Variants in CLMN observed in about 807,000 individuals in gnomAD.
The protein encoded by CLMN is calmin (calponin-like, transmembrane).
A neutral mutation model predicts 92.7 loss-of-function variants in CLMN; 57 were observed. The observed-to-expected ratio is 0.61, with a 90% CI of 0.50 to 0.77. CLMN has a LOEUF of 0.77. Among genes scored for constraint, CLMN ranks in the 30% least tolerant of loss-of-function variants. CLMN has a pLI of 0.00. For synonymous variants in CLMN, 466 were observed against 470.6 expected (o/e 0.99, Z 0.13); for missense variants, 1,158 against 1,237.5 (o/e 0.94, Z 0.96).
chr14:95,210,580 T>C, intron 7 of CLMN, 106 bp downstream of exon 7: 1 of 1,171,900 alleles, frequency 8.5e-7, no homozygotes, highest in Non-Finnish European at 1.2e-6. Flanking sequence ...GGAGAAAAAA[T>C]CTTCTTCATT....
In CLMN at chr14:95,196,499, T is replaced by G. The variant is rs1411613007; in HGVS notation, c.2707A>C (p.Arg903=). The change falls in exon 10 of 13, where the codon AGG becomes CGG. Residue 903 remains arginine, a splice_region_variant and synonymous_variant. Transcript: ENST00000298912. ...GGTGAAAAGAGATGAATAAAATACC[T>G]GGAAGGAATGCTGTAGTCGCTACTG... ...EDSSDYSIPS[R]TSHSDSSIYL... 1 of 1,606,590 alleles carries G rather than the reference T, an allele frequency of 6.2e-7. No individual in the cohort carries two copies. The highest frequency in any genetic ancestry group is 8.5e-7 in the Non-Finnish European group (1 of 1,177,868).
Position 95,194,245 on chromosome 14 carries a change from C to G in CLMN, c.2769+291G>C, listed in dbSNP as rs2282272. On this transcript the variant is annotated intron_variant, in intron 11 of 12. Coordinates refer to ENST00000298912, the MANE Select transcript of CLMN (RefSeq NM_024734.4). This position sits in a 1 kb window ranked among gnomAD's most constrained non-coding sequence, Gnocchi z 4.0. ...CTCATGTTGCACCTCTGTCTCTGAA[C>G]GTGATCCTTCTGGGTGCGCGCGGGG... 0.094 allele frequency: 130,617 copies of G among 1,389,808 alleles called. 8,108 individuals are homozygous for G. Among genetic ancestry groups the G allele is most frequent in the East Asian group, 0.37 (13,525 of 36,646 alleles). 86.1% of individuals were successfully genotyped at this position (1,389,808 alleles called of 1,614,324 possible). A position where few individuals can be genotyped will look rare whatever the true frequency, so the allele number is the denominator to read the frequency against.
chr14:95,304,382 G>C (rs1329764607), intron 1 of CLMN, among the ~76,000 whole-genome samples: 1 of 151,914 alleles, frequency 6.6e-6, no homozygotes, highest in East Asian at 1.9e-4. Context: ...CTCAGTGACA[G>C]CAAGGAAGGA....
chr14:95,302,218 T>G (rs1221858801), intron 1 of CLMN, among the ~76,000 whole-genome samples: 1 of 152,110 alleles, frequency 6.6e-6, no homozygotes, highest in Non-Finnish European at 1.5e-5. Flanking sequence ...GAGAATCGCT[T>G]GAACCCGGGA....
At chr14:95,268,929 G>A (rs191665766) in intron 1 of CLMN, among the ~76,000 whole-genome samples, 2,305 of 148,058 alleles carry the variant, frequency 0.016, 25 homozygotes, top group Non-Finnish European at 0.024. Flanking sequence ...TCAGCCTCCC[G>A]AGTAGCTGGG....
intron 9 of CLMN, among the ~76,000 whole-genome samples, chr14:95,198,153 G>A (rs1397983746): frequency 1.4e-5 from 2 of 142,272 alleles, no homozygotes; most frequent in Non-Finnish European, 3.0e-5. Context: ...AGGTTTAAGT[G>A]ATTTTTCTGC....
intron 10 of CLMN, among the ~76,000 whole-genome samples, chr14:95,195,602 A>G (rs991136726): frequency 6.6e-6 from 1 of 152,238 alleles, no homozygotes; most frequent in African/African-American, 2.4e-5. Context: ...GGGCACAAAA[A>G]GAATGTGGAA....
Position 95,189,438 on chromosome 14 carries a change from A to AAGC in CLMN, c.*2123_*2125dup, listed in dbSNP as rs1896512128. ...TTTCTATATCCAGCTTCTTCCATAG[A>AAGC]AGCCTATACTCAAATGAGATTTTTT... On this transcript the variant is annotated 3_prime_UTR_variant, in exon 13 of 13. Transcript: ENST00000298912. 1 of 152,222 alleles carries AAGC rather than the reference A, an allele frequency of 6.6e-6. No homozygotes were observed. The highest frequency in any genetic ancestry group is 2.1e-4 in the South Asian group (1 of 4,830). The allele number at this position is 152,222 out of a possible 1,614,324, so 9.4% of individuals were successfully genotyped here. A position where few individuals can be genotyped will look rare whatever the true frequency, so the allele number is the denominator to read the frequency against.
At chr14:95,281,029 G>C (rs1900126186) in intron 1 of CLMN, among the ~76,000 whole-genome samples, 1 of 152,170 alleles carries the variant, frequency 6.6e-6, no homozygotes, top group Non-Finnish European at 1.5e-5. Context: ...TTTAAATGCA[G>C]AGAGGAAAAA....
chr14:95,194,262 C>A lies in CLMN; in HGVS notation c.2769+274G>T. ...TCTCTGAACGTGATCCTTCTGGGTG[C>A]GCGCGGGGTCCAGGTGAGGCGTTTT... On this transcript the variant is annotated intron_variant, in intron 11 of 12. Transcript: ENST00000298912. The surrounding 1 kb of genome is among the most constrained non-coding windows in gnomAD (Gnocchi z 4.0). 2 of 1,131,954 alleles carry A rather than the reference C, an allele frequency of 1.8e-6. No homozygotes were observed. Among genetic ancestry groups the A allele is most frequent in the Non-Finnish European group, 2.2e-6 (2 of 911,152 alleles). The allele number at this position is 1,131,954 out of a possible 1,614,324, so 70.1% of individuals were successfully genotyped here.
intron 1 of CLMN, among the ~76,000 whole-genome samples, chr14:95,230,908 G>A (rs2140635404): frequency 6.6e-6 from 1 of 152,354 alleles, no homozygotes. Flanking sequence ...ACATAAACCA[G>A]GAATGGACCC....
intron 1 of CLMN, among the ~76,000 whole-genome samples, chr14:95,312,409 TG>T (rs1901580149): frequency 6.6e-6 from 1 of 152,308 alleles, no homozygotes; most frequent in Admixed American, 6.5e-5. Flanking sequence ...AGAAGAAGGC[TG>T]GGCTGCCACA....
intron 12 of CLMN, chr14:95,193,296 A>C: frequency 6.7e-7 from 1 of 1,482,756 alleles, no homozygotes; most frequent in Non-Finnish European, 9.1e-7. Context: ...CCAGGCCAAC[A>C]GTTCTCCGAC....
rs1012682178 is a variant in CLMN at position 95,185,892 on chromosome 14, C to G, written c.*5672G>C. ...TACAACTGCCTTCCAATGGCATGAC[C>G]ACGGAAGGAGAACAGCTCCTCACCA... On this transcript the variant is annotated 3_prime_UTR_variant, in exon 13 of 13. Transcript: ENST00000298912. 3.3e-5 allele frequency: 5 copies of G among 152,154 alleles called. No individual in the cohort carries two copies. Among genetic ancestry groups the G allele is most frequent in the Admixed American group, 1.3e-4 (2 of 15,278 alleles). 9.4% of individuals were successfully genotyped at this position (152,154 alleles called of 1,614,324 possible).
At chr14:95,312,410 G>A (rs1014826773) in intron 1 of CLMN, among the ~76,000 whole-genome samples, 2 of 152,172 alleles carry the variant, frequency 1.3e-5, no homozygotes, top group Non-Finnish European at 2.9e-5. Context: ...GAAGAAGGCT[G>A]GGCTGCCACA....
Position 95,231,964 on chromosome 14 carries a change from G to A in CLMN, c.83-1831C>T, listed in dbSNP as rs528669529. On this transcript the variant is annotated intron_variant, in intron 1 of 12. Coordinates refer to ENST00000298912, the MANE Select transcript of CLMN (RefSeq NM_024734.4). ...TATGACCTTCAGATGGGACAATCGC[G>A]CCCAGGGAGATGTTGTAACTTGTCC... Among the ~76,000 whole-genome samples the A allele has an allele frequency of 2.0e-3, 301 of 152,282 alleles. 3 individuals are homozygous for A. The highest frequency in any genetic ancestry group is 5.9e-3 in the African/African-American group (247 of 41,556).
At chr14:95,245,586 G>A (rs999170112) in intron 1 of CLMN, among the ~76,000 whole-genome samples, 3 of 149,036 alleles carry the variant, frequency 2.0e-5, no homozygotes, top group African/African-American at 7.5e-5. Flanking sequence ...ATGGATGGGT[G>A]GGTGGATGGA....
Position 95,203,776 on chromosome 14 carries a change from G to T in CLMN, c.1573C>A (p.Leu525Ile). 1 of 1,614,166 alleles carries T rather than the reference G, an allele frequency of 6.2e-7. No homozygotes were observed. Residue 525 changes from leucine to isoleucine, a missense_variant, in exon 9 of 13, where the codon CTT (leucine) becomes ATT (isoleucine). Transcript: ENST00000298912. ...ACAGTATTTTCTCCTGGGGGTGAAA[G>T]AGAGTGACTTTCTTCATCGTGGCGG... Reference protein sequence around the residue: ...TARHDEESHSLSPPGENTVMA... With the variant: ...TARHDEESHSISPPGENTVMA...
Position 95,201,566 on chromosome 14 carries a change from CTTT to C in CLMN, c.2511+1269_2511+1271del, listed in dbSNP as rs57205690. On this transcript the variant is annotated intron_variant, in intron 9 of 12. Coordinates refer to ENST00000298912, the MANE Select transcript of CLMN (RefSeq NM_024734.4). ...TTCTTCCTTTATTGGCTTTTTTTTCCTTTTTTTTTTTTTTTATTTTACTTTAAG... is the reference window on the plus strand; with the variant it reads ...TTCTTCCTTTATTGGCTTTTTTTTCCTTTTTTTTTTTTATTTTACTTTAAG... 2.4e-4 allele frequency among the ~76,000 whole-genome samples: 34 copies of C among 139,664 alleles called. 1 individual carries two copies. Among genetic ancestry groups the C allele is most frequent in the Non-Finnish European group, 4.7e-4 (30 of 64,206 alleles). The allele number at this position is 139,664 out of a possible 152,430, so 91.6% of individuals were successfully genotyped here. A position where few individuals can be genotyped will look rare whatever the true frequency, so the allele number is the denominator to read the frequency against.
Sources: gnomAD v4.1 joint callset for allele counts (sites outside exome capture counted in the v4.1 genomes callset) on GRCh38, gnomAD v4.1.1 for gene constraint, Gnocchi (gnomAD v3.1) non-coding constraint, MANE v1.5 for transcripts, NCBI Gene and HGNC (gene_info 2026-07-23, HGNC 2026-07-21) for gene names.